B3GNT8: variants seen among roughly 807,000 people sequenced by gnomAD.
B3GNT8 encodes N-acetyllactosaminide beta-1,3-N-acetylglucosaminyltransferase 8.
For synonymous variants in B3GNT8, 258 were observed against 238.3 expected, an observed-to-expected ratio of 1.08 and a Z score of -0.76; for missense variants, 502 against 530.5, an observed-to-expected ratio of 0.95 and a Z score of 0.53.
rs765847100 is a variant in B3GNT8 at position 41,426,524 on chromosome 19, A to G, written c.255T>C (p.Ser85=). 5.0e-6 allele frequency: 8 copies of G among 1,590,636 alleles called. No individual in the cohort carries two copies. The highest frequency in any genetic ancestry group is 2.2e-5 in the East Asian group (1 of 44,576). ...AGCCCCCCGTTTCAGTGCTGTCCCCACTGGGCAGGGACCCCAGCCGCCACT... is the reference window on the plus strand; with the variant it reads ...AGCCCCCCGTTTCAGTGCTGTCCCCGCTGGGCAGGGACCCCAGCCGCCACT... ...QQQWRLGSLP[S]GDSTETGGCQ... The change falls in exon 2 of 2, where the codon AGT becomes AGC. Residue 85 remains serine, a synonymous_variant. Coordinates refer to ENST00000691102, the MANE Select transcript of B3GNT8 (RefSeq NM_001385648.2). The surrounding 1 kb of genome is among the most constrained non-coding windows in gnomAD (Gnocchi z 4.9).
chr19:41,426,717 A>T lies in B3GNT8; in HGVS notation c.62T>A (p.Val21Glu). The T allele has an allele frequency of 6.2e-7, 1 of 1,613,518 alleles. No individual in the cohort carries two copies. The highest frequency in any genetic ancestry group is 8.5e-7 in the Non-Finnish European group (1 of 1,179,916). The change falls in exon 2 of 2, where the codon GTG (valine) becomes GAG (glutamate). Residue 21 changes from valine to glutamate, a missense_variant. Transcript: ENST00000691102. This position sits in a 1 kb window ranked among gnomAD's most constrained non-coding sequence, Gnocchi z 4.9. The stretch of plus-strand genomic sequence containing the variant: ...GGACTCGGATGTCCACTCGATGTAC[A>T]CTTTGAGGCCCAGGAGTGTGAGCAG... ...SALLTLLGLKVYIEWTSESRL... is the reference protein window; with the variant it reads ...SALLTLLGLKEYIEWTSESRL...
rs1322258037 is a variant in B3GNT8 at position 41,426,806 on chromosome 19, G to A, written c.-28C>T. 5 of 1,603,214 alleles carry A rather than the reference G, an allele frequency of 3.1e-6. No homozygotes were observed. The highest frequency in any genetic ancestry group is 1.7e-4 in the Middle Eastern group (1 of 5,946). ...CCCGGCCCAGGGAAGGGGCGGCCGC[G>A]GGAGCTACAAGGGAGCCACAGGGGA... On this transcript the variant is annotated 5_prime_UTR_variant, in exon 2 of 2. Transcript: ENST00000691102. The surrounding 1 kb of genome is among the most constrained non-coding windows in gnomAD (Gnocchi z 4.9).
At chr19:41,428,354 C>T (rs2039455242), upstream of B3GNT8, among the ~76,000 whole-genome samples, 2 of 151,840 alleles carry the variant, frequency 1.3e-5, no homozygotes, top group South Asian at 2.1e-4. The surrounding 1 kb of genome is among the most constrained non-coding windows in gnomAD (Gnocchi z 6.1). Flanking sequence ...TCCTACCTTA[C>T]CCCCAACCTC....
chr19:41,425,755 G>T lies in B3GNT8; in HGVS notation c.1024C>A (p.Arg342=), dbSNP rs117658014. The change falls in exon 2 of 2, where the codon CGA becomes AGA. Residue 342 remains arginine (R), a synonymous_variant. Coordinates refer to ENST00000691102, the MANE Select transcript of B3GNT8 (RefSeq NM_001385648.2). ...GCCTGGGGCACCAGGCCCAGGGCTC[G>T]GATGCAAAGGCCAGTGTAGACGTCC... ...FEDVYTGLCI[R]ALGLVPQAHP... 7,994 of 1,599,092 alleles carry T rather than the reference G, an allele frequency of 5.0e-3. 37 individuals carry two copies. The highest frequency in any genetic ancestry group is 5.3e-3 in the Non-Finnish European group (6,223 of 1,171,060).
At position 41,426,302 on chromosome 19, in the gene B3GNT8, C is replaced by T; in HGVS notation, c.477G>A (p.Gly159=). Residue 159 remains glycine (G), a synonymous_variant, in exon 2 of 2, where the codon GGG becomes GGA. Transcript: ENST00000691102. The surrounding 1 kb of genome is among the most constrained non-coding windows in gnomAD (Gnocchi z 4.9). ...YLLLAVKSEP[G]RFAERQAVRE... is the part of the protein sequence containing the mutation. ...TCACGGCCTGTCGTTCTGCAAAGCG[C>T]CCTGGTTCTGACTTGACGGCCAACA... The T allele has an allele frequency of 6.2e-7, 1 of 1,613,408 alleles. No homozygotes were observed. The highest frequency in any genetic ancestry group is 1.1e-5 in the South Asian group (1 of 91,076).
In B3GNT8 at chr19:41,426,562, A is replaced by G; in HGVS notation, c.217T>C (p.Trp73Arg). Residue 73 changes from tryptophan to arginine, a missense_variant, in exon 2 of 2, where the codon TGG becomes CGG. Coordinates refer to ENST00000691102, the MANE Select transcript of B3GNT8 (RefSeq NM_001385648.2). This position sits in a 1 kb window ranked among gnomAD's most constrained non-coding sequence, Gnocchi z 4.9. ...GQTIPLPFAY[W>R]NQQQWRLGSL... ...CCCAGCCGCCACTGCTGCTGGTTCCAGTAAGCAAAGGGCAGCGGGATAGTC... is the reference window on the plus strand; with the variant it reads ...CCCAGCCGCCACTGCTGCTGGTTCCGGTAAGCAAAGGGCAGCGGGATAGTC... The G allele has an allele frequency of 6.2e-7, 1 of 1,602,500 alleles. No homozygotes were observed. Among genetic ancestry groups the G allele is most frequent in the Non-Finnish European group, 8.5e-7 (1 of 1,173,926 alleles).
Position 41,426,170 on chromosome 19 carries a change from G to T in B3GNT8, c.609C>A (p.Ser203Arg). ...AGAGCAGCAGGTCACTGTAGCGACG[G>T]CTCTCCCAGGCCACTAGTGAGTCTA... ...PDLDSLVAWE[S>R]RRYSDLLLWD... Residue 203 changes from serine to arginine, a missense_variant, in exon 2 of 2, where the codon AGC becomes AGA. Transcript: ENST00000691102. This position sits in a 1 kb window ranked among gnomAD's most constrained non-coding sequence, Gnocchi z 4.9. The T allele has an allele frequency of 6.2e-7, 1 of 1,613,828 alleles. No homozygotes were observed. Among genetic ancestry groups the T allele is most frequent in the Non-Finnish European group, 8.5e-7 (1 of 1,179,914 alleles).
In B3GNT8 at chr19:41,425,549, A is replaced by AGGCCAGGACCGG; in HGVS notation, c.*35_*36insCCGGTCCTGGCC. On this transcript the variant is annotated 3_prime_UTR_variant, in exon 2 of 2. Coordinates refer to ENST00000691102, the MANE Select transcript of B3GNT8 (RefSeq NM_001385648.2). ...AGCCAGGGGCCGGCCCCAGAGGCCC[A>AGGCCAGGACCGG]GGCCAGGTCAGCACCTCCGCCCTCC... The AGGCCAGGACCGG allele has an allele frequency of 1.4e-6, 2 of 1,404,230 alleles. No homozygotes were observed. Among genetic ancestry groups the AGGCCAGGACCGG allele is most frequent in the South Asian group, 1.9e-5 (1 of 53,020 alleles). The allele number at this position is 1,404,230 out of a possible 1,614,324, so 87.0% of individuals were successfully genotyped here.
rs769992042 is a variant in B3GNT8, at chr19:41,426,433, G to A, written c.346C>T (p.Arg116Cys). 2.0e-5 allele frequency: 33 copies of A among 1,610,556 alleles called. No homozygotes were observed. Among genetic ancestry groups the A allele is most frequent in the Admixed American group, 3.3e-5 (2 of 60,016 alleles). Residue 116 changes from arginine (R) to cysteine (C), a missense_variant, in exon 2 of 2, where the codon CGC becomes TGC. Physicochemically the swap from Arg to Cys is radical, Grantham distance 180. Coordinates refer to ENST00000691102, the MANE Select transcript of B3GNT8 (RefSeq NM_001385648.2). This position sits in a 1 kb window ranked among gnomAD's most constrained non-coding sequence, Gnocchi z 4.9. ...PDFASYPKDLRRFLLSAACRS... is the reference protein window; with the variant it reads ...PDFASYPKDLCRFLLSAACRS... ...CAGGCTGCTGACAGCAAGAAGCGGC[G>A]GAGGTCCTTGGGGTAGGAGGCGAAG...
chr19:41,427,900 A>C (rs1303967389), upstream of B3GNT8, among the ~76,000 whole-genome samples: 1 of 151,254 alleles, frequency 6.6e-6, no homozygotes, highest in Admixed American at 6.6e-5. This position sits in a 1 kb window ranked among gnomAD's most constrained non-coding sequence, Gnocchi z 5.6. Context: ...AGAAGGAGAG[A>C]CAGAGACATT....
At position 41,425,839 on chromosome 19, in the gene B3GNT8, C is replaced by G; in HGVS notation, c.940G>C (p.Gly314Arg). The change falls in exon 2 of 2, where the codon GGG (glycine) becomes CGG (arginine). Residue 314 changes from glycine (G) to arginine (R), a missense_variant. By Grantham distance (125) the Gly-to-Arg change is moderately radical. Coordinates refer to ENST00000691102, the MANE Select transcript of B3GNT8 (RefSeq NM_001385648.2). ...CGCAGCAGCCAGGGTGCCAGGCGCC[C>G]GGCAATGACGTAGCCACCCCCGCTT... ...YASGGGYVIA[G>R]RLAPWLLRAA... is the part of the protein sequence containing the mutation. 2 of 1,613,078 alleles carry G rather than the reference C, an allele frequency of 1.2e-6. No individual in the cohort carries two copies. The highest frequency in any genetic ancestry group is 1.7e-6 in the Non-Finnish European group (2 of 1,179,964).
At position 41,426,449 on chromosome 19, in the gene B3GNT8, G is replaced by A. The variant is rs766917081; in HGVS notation, c.330C>T (p.Ser110=). The A allele has an allele frequency of 1.2e-6, 2 of 1,608,582 alleles. No homozygotes were observed. Among genetic ancestry groups the A allele is most frequent in the African/African-American group, 2.7e-5 (2 of 74,900 alleles). ...AAATEIPDFA[S]YPKDLRRFLL... ...AGAAGCGGCGGAGGTCCTTGGGGTA[G>A]GAGGCGAAGTCAGGGATCTCGGTGG... Residue 110 remains serine, a synonymous_variant, in exon 2 of 2, where the codon TCC becomes TCT. Transcript: ENST00000691102. This position sits in a 1 kb window ranked among gnomAD's most constrained non-coding sequence, Gnocchi z 4.9.
In B3GNT8 at chr19:41,426,308, T is replaced by C; in HGVS notation, c.471A>G (p.Glu157=). The change falls in exon 2 of 2, where the codon GAA becomes GAG. Residue 157 remains glutamate (E), a synonymous_variant. Transcript: ENST00000691102. This position sits in a 1 kb window ranked among gnomAD's most constrained non-coding sequence, Gnocchi z 4.9. ...VPYLLLAVKS[E]PGRFAERQAV... ...CCTGTCGTTCTGCAAAGCGCCCTGGTTCTGACTTGACGGCCAACAGCAGGT... is the reference window on the plus strand; with the variant it reads ...CCTGTCGTTCTGCAAAGCGCCCTGGCTCTGACTTGACGGCCAACAGCAGGT... The C allele has an allele frequency of 6.2e-7, 1 of 1,613,392 alleles. No individual in the cohort carries two copies.
Position 41,426,248 on chromosome 19 carries a change from C to T in B3GNT8, c.531G>A (p.Gly177=), listed in dbSNP as rs372653804. ...VRETWGSPAP[G]IRLLFLLGSP... ...ACCCTAGCAGGAAGAGCAGCCGGAT[C>T]CCTGGAGCTGGACTGCCCCACGTCT... Residue 177 remains glycine, a synonymous_variant, in exon 2 of 2, where the codon GGG becomes GGA. Coordinates refer to ENST00000691102, the MANE Select transcript of B3GNT8 (RefSeq NM_001385648.2). The surrounding 1 kb of genome is among the most constrained non-coding windows in gnomAD (Gnocchi z 4.9). 6.2e-7 allele frequency: 1 copy of T among 1,613,390 alleles called. No individual in the cohort carries two copies.
rs1599968052 is a variant in B3GNT8, at chr19:41,426,424, A to G, written c.355T>C (p.Leu119=). The change falls in exon 2 of 2, where the codon TTG becomes CTG. Residue 119 remains leucine (L), a synonymous_variant. Coordinates refer to ENST00000691102, the MANE Select transcript of B3GNT8 (RefSeq NM_001385648.2). This position sits in a 1 kb window ranked among gnomAD's most constrained non-coding sequence, Gnocchi z 4.9. ...ASYPKDLRRF[L]LSAACRSFPQ... ...AAGCTCCGGCAGGCTGCTGACAGCA[A>G]GAAGCGGCGGAGGTCCTTGGGGTAG... is the stretch of plus-strand genomic sequence containing the variant. 6.2e-7 allele frequency: 1 copy of G among 1,611,210 alleles called. No homozygotes were observed. Among genetic ancestry groups the G allele is most frequent in the Non-Finnish European group, 8.5e-7 (1 of 1,179,718 alleles).
chr19:41,428,245 G>T (rs1001772971), upstream of B3GNT8, among the ~76,000 whole-genome samples: 6 of 152,034 alleles, frequency 3.9e-5, no homozygotes, highest in Admixed American at 6.5e-5. The surrounding 1 kb of genome is among the most constrained non-coding windows in gnomAD (Gnocchi z 6.1). Context: ...GGGTGACGGG[G>T]TGGGGCCCAC....
Position 41,426,852 on chromosome 19 carries a change from G to GT in B3GNT8, c.-32-43dup. ...GGGGAGCCACGGAGGCCATTGGGGT[G>GT]TGGGGATGGGCCTCCAGAGAGGGCC... On this transcript the variant is annotated intron_variant, in intron 1 of 1. Transcript: ENST00000691102. The surrounding 1 kb of genome is among the most constrained non-coding windows in gnomAD (Gnocchi z 4.9). 1.4e-6 allele frequency: 2 copies of GT among 1,477,476 alleles called. No individual in the cohort carries two copies. The highest frequency in any genetic ancestry group is 2.8e-5 in the African/African-American group (2 of 72,348). The allele number at this position is 1,477,476 out of a possible 1,614,324, so 91.5% of individuals were successfully genotyped here. A position where few individuals can be genotyped will look rare whatever the true frequency, so the allele number is the denominator to read the frequency against.
In B3GNT8 at chr19:41,426,392, C is replaced by T. The variant is rs778458596; in HGVS notation, c.387G>A (p.Gln129=). The T allele has an allele frequency of 6.2e-6, 10 of 1,612,550 alleles. No homozygotes were observed. The highest frequency in any genetic ancestry group is 7.6e-6 in the Non-Finnish European group (9 of 1,180,012). Reference sequence around the variant, plus strand: ...GGCTGCCACCACCTCCAGGCAGCCACTGTGGGAAGCTCCGGCAGGCTGCTG... The same window carrying T: ...GGCTGCCACCACCTCCAGGCAGCCATTGTGGGAAGCTCCGGCAGGCTGCTG... ...LLSAACRSFP[Q]WLPGGGGSQV... is the part of the protein sequence containing the mutation. The change falls in exon 2 of 2, where the codon CAG becomes CAA. Residue 129 remains glutamine, a synonymous_variant. Transcript: ENST00000691102. The surrounding 1 kb of genome is among the most constrained non-coding windows in gnomAD (Gnocchi z 4.9).
chr19:41,426,236 G>A lies in B3GNT8; in HGVS notation c.543C>T (p.Leu181=), dbSNP rs775540349. 4 of 1,613,616 alleles carry A rather than the reference G, an allele frequency of 2.5e-6. No homozygotes were observed. The highest frequency in any genetic ancestry group is 1.3e-5 in the African/African-American group (1 of 75,044). Residue 181 remains leucine, a synonymous_variant, in exon 2 of 2, where the codon CTC becomes CTT. Transcript: ENST00000691102. The surrounding 1 kb of genome is among the most constrained non-coding windows in gnomAD (Gnocchi z 4.9). ...WGSPAPGIRL[L]FLLGSPVGEA... ...CACCCACCGGAGACCCTAGCAGGAA[G>A]AGCAGCCGGATCCCTGGAGCTGGAC...
Sources: gnomAD v4.1 joint callset for allele counts (sites outside exome capture counted in the v4.1 genomes callset) on GRCh38, gnomAD v4.1.1 for gene constraint, Gnocchi (gnomAD v3.1) non-coding constraint, MANE v1.5 for transcripts, NCBI Gene and HGNC (gene_info 2026-07-23, HGNC 2026-07-21) for gene names.